The following SNAI2 variants were observed in gnomAD, a reference collection of about 807,000 sequenced individuals.
The protein encoded by SNAI2 is zinc finger protein SNAI2.
SNAI2 carries 2 observed loss-of-function variants against 22.4 expected under a neutral mutation model. The ratio of observed to expected loss-of-function variants is 0.09; its 90% CI spans 0.04 to 0.28. The LOEUF (loss-of-function observed/expected upper bound fraction) is 0.28, where lower values mean the gene tolerates loss of function less well. SNAI2 is among the 10% of genes least tolerant of loss of function. SNAI2 has a pLI of 1.00. For missense variants in SNAI2, 239 were observed against 320.8 expected, an observed-to-expected ratio of 0.75 and a Z score of 1.95; for synonymous variants, 134 against 123.0, an observed-to-expected ratio of 1.09 and a Z score of -0.59.
chr8:48,919,085 T>A, intron 2 of SNAI2, 97 bp from the exon 3 acceptor site: 1 of 1,234,914 alleles, frequency 8.1e-7, no homozygotes, highest in Non-Finnish European at 1.2e-6. Context: ...ACATTTTGCT[T>A]AAATAATGAG....
rs1806113521 is a variant in SNAI2, at chr8:48,918,621, C to T, written c.*186G>A. 27 of 612,262 alleles carry T rather than the reference C, an allele frequency of 4.4e-5. No homozygotes were observed. The South Asian group carries it at 4.9e-4, about 11-fold the overall frequency. 37.9% of individuals were successfully genotyped at this position (612,262 alleles called of 1,614,324 possible). On this transcript the variant is annotated 3_prime_UTR_variant, in exon 3 of 3. Coordinates refer to ENST00000020945, the MANE Select transcript of SNAI2 (RefSeq NM_003068.5). The stretch of plus-strand genomic sequence containing the variant: ...TCACATGGAAAGGATTATCTTTAAA[C>T]ACATGAATTCCATGCTCTTGCAGCT...
chr8:48,920,571 C>G (rs973599070), intron 1 of SNAI2, 130 bp from the exon 2 acceptor site: 22 of 834,364 alleles, frequency 2.6e-5, no homozygotes, highest in Non-Finnish European at 4.3e-5. Context: ...AAGATAGACC[C>G]ATTTAGGAGG....
At chr8:48,919,098 G>T in intron 2 of SNAI2, 110 bp from the exon 3 acceptor site, 1 of 1,042,750 alleles carries the variant, frequency 9.6e-7, no homozygotes, top group Non-Finnish European at 1.4e-6. Flanking sequence ...ATAATGAGAA[G>T]CAGCAAAACC....
rs893118347 is a variant in SNAI2, at chr8:48,918,583, G to T, written c.*224C>A. On this transcript the variant is annotated 3_prime_UTR_variant, in exon 3 of 3. Transcript: ENST00000020945. ...CAATCTAGCCATCAGCAAATATATA[G>T]TAATTTTAAACTTCACATGGAAAGG... is the stretch of plus-strand genomic sequence containing the variant. 1.9e-6 allele frequency: 1 copy of T among 540,528 alleles called. No homozygotes were observed. Among genetic ancestry groups the T allele is most frequent in the African/African-American group, 1.9e-5 (1 of 52,822 alleles). The allele number at this position is 540,528 out of a possible 1,614,324, so 33.5% of individuals were successfully genotyped here.
chr8:48,919,213 A>T (rs951125179), intron 2 of SNAI2, among the ~76,000 whole-genome samples: 2 of 152,214 alleles, frequency 1.3e-5, no homozygotes, highest in Admixed American at 6.5e-5. Context: ...TACTGCTGCC[A>T]ATCATACAGA....
rs546996646 is a variant in SNAI2, at chr8:48,918,010, T to G, written c.*797A>C. ...TTGCATTTGTGGTATGCATTTGAAA[T>G]AGTTTAAGTACATTAATGAATTTGT... On this transcript the variant is annotated 3_prime_UTR_variant, in exon 3 of 3. Coordinates refer to ENST00000020945, the MANE Select transcript of SNAI2 (RefSeq NM_003068.5). 2 of 152,324 alleles carry G rather than the reference T, an allele frequency of 1.3e-5. No individual in the cohort carries two copies. Among genetic ancestry groups the G allele is most frequent in the Non-Finnish European group, 2.9e-5 (2 of 68,018 alleles). The allele number at this position is 152,324 out of a possible 1,614,324, so 9.4% of individuals were successfully genotyped here.
In SNAI2 at chr8:48,918,776, A is replaced by T; in HGVS notation, c.*31T>A. On this transcript the variant is annotated 3_prime_UTR_variant, in exon 3 of 3. Coordinates refer to ENST00000020945, the MANE Select transcript of SNAI2 (RefSeq NM_003068.5). ...ATTTGGCTTCGGAGTGAAGAAATGC[A>T]TTCTGTTCGAGTAAACATTGATTGC... 33 of 1,613,122 alleles carry T rather than the reference A, an allele frequency of 2.0e-5. No homozygotes were observed. The highest frequency in any genetic ancestry group is 2.5e-5 in the Non-Finnish European group (30 of 1,179,072).
At position 48,920,308 on chromosome 8, in the gene SNAI2, A is replaced by G. The variant is rs1806142646; in HGVS notation, c.213T>C (p.Asn71=). 3 of 1,612,142 alleles carry G rather than the reference A, an allele frequency of 1.9e-6. No individual in the cohort carries two copies. Among genetic ancestry groups the G allele is most frequent in the Non-Finnish European group, 2.5e-6 (3 of 1,178,514 alleles). The change falls in exon 2 of 3, where the codon AAT becomes AAC. Residue 71 remains asparagine (N), a synonymous_variant. Coordinates refer to ENST00000020945, the MANE Select transcript of SNAI2 (RefSeq NM_003068.5). ...TAAPFHAQLP[N]GLSPLSGYSS... Reference sequence around the variant, plus strand: ...AGTATCCGGAAAGAGGAGAGAGGCCATTGGGTAGCTGGGCGTGGAATGGAG... The same window carrying G: ...AGTATCCGGAAAGAGGAGAGAGGCCGTTGGGTAGCTGGGCGTGGAATGGAG...
rs1175480295 is a variant in SNAI2 at position 48,920,980 on chromosome 8, G to A, written c.79+207C>T. Among the ~76,000 whole-genome samples, 4 of 152,320 alleles carry A rather than the reference G, an allele frequency of 2.6e-5. No homozygotes were observed. In the East Asian group the frequency reaches 7.7e-4, roughly 29 times the overall value. On this transcript the variant is annotated intron_variant, in intron 1 of 2. Transcript: ENST00000020945. ...CGAAGCTGCGAGATTTGAATGAAATGTTCCTTGTTAGTCAAGAATTTTAAA... is the reference window on the plus strand; with the variant it reads ...CGAAGCTGCGAGATTTGAATGAAATATTCCTTGTTAGTCAAGAATTTTAAA...
Position 48,921,305 on chromosome 8 carries a change from G to C in SNAI2, c.-40C>G, listed in dbSNP as rs1284203294. ...TGGCGGGCGCCCGGCGCGGATAACG[G>C]TCCGGCGGGAGGACACGGCGGTCCC... On this transcript the variant is annotated 5_prime_UTR_variant, in exon 1 of 3. Coordinates refer to ENST00000020945, the MANE Select transcript of SNAI2 (RefSeq NM_003068.5). The C allele has an allele frequency of 6.6e-7, 1 of 1,526,384 alleles. No individual in the cohort carries two copies. The highest frequency in any genetic ancestry group is 9.0e-7 in the Non-Finnish European group (1 of 1,106,210). The allele number at this position is 1,526,384 out of a possible 1,614,324, so 94.6% of individuals were successfully genotyped here.
At chr8:48,920,576 A>T in intron 1 of SNAI2, 135 bp from the exon 2 acceptor site, 2 of 795,890 alleles carry the variant, frequency 2.5e-6, no homozygotes, top group Non-Finnish European at 4.2e-6. Context: ...AGACCCATTT[A>T]GGAGGGCATA....
intron 1 of SNAI2, among the ~76,000 whole-genome samples, 183 bp from the exon 2 acceptor site, chr8:48,920,624 A>C (rs1483175399): frequency 6.6e-6 from 1 of 152,222 alleles, no homozygotes. Context: ...CCTGGCACCT[A>C]CGGAGTTACT....
Position 48,917,968 on chromosome 8 carries a change from G to A in SNAI2, c.*839C>T, listed in dbSNP as rs1201240739. 3 of 152,158 alleles carry A rather than the reference G, an allele frequency of 2.0e-5. No homozygotes were observed. The highest frequency in any genetic ancestry group is 7.2e-5 in the African/African-American group (3 of 41,448). 9.4% of individuals were successfully genotyped at this position (152,158 alleles called of 1,614,324 possible). A position where few individuals can be genotyped will look rare whatever the true frequency, so the allele number is the denominator to read the frequency against. On this transcript the variant is annotated 3_prime_UTR_variant, in exon 3 of 3. Coordinates refer to ENST00000020945, the MANE Select transcript of SNAI2 (RefSeq NM_003068.5). Reference sequence around the variant, plus strand: ...ACTATACAATTTAAAAAGGCACTTGGAAGGGGTATTGTATTATTGCATTTG... The same window carrying A: ...ACTATACAATTTAAAAAGGCACTTGAAAGGGGTATTGTATTATTGCATTTG...
chr8:48,920,862 G>A (rs1806152532), intron 1 of SNAI2, among the ~76,000 whole-genome samples: 1 of 152,182 alleles, frequency 6.6e-6, no homozygotes, highest in South Asian at 2.1e-4. Flanking sequence ...CTAAAGGAAA[G>A]GAGACTTAGT....
Position 48,918,716 on chromosome 8 carries a change from A to T in SNAI2, c.*91T>A. ...GTCTATACATATTATTTGGTTGGTC[A>T]GCACAGGAGAAAATGCCTTTGGACT... On this transcript the variant is annotated 3_prime_UTR_variant, in exon 3 of 3. Coordinates refer to ENST00000020945, the MANE Select transcript of SNAI2 (RefSeq NM_003068.5). 7.5e-7 allele frequency: 1 copy of T among 1,341,786 alleles called. No individual in the cohort carries two copies. Among genetic ancestry groups the T allele is most frequent in the Non-Finnish European group, 1.1e-6 (1 of 934,340 alleles). 83.1% of individuals were successfully genotyped at this position (1,341,786 alleles called of 1,614,324 possible). A position where few individuals can be genotyped will look rare whatever the true frequency, so the allele number is the denominator to read the frequency against.
chr8:48,920,333 G>C lies in SNAI2; in HGVS notation c.188C>G (p.Ala63Gly). 1 of 1,612,514 alleles carries C rather than the reference G, an allele frequency of 6.2e-7. No individual in the cohort carries two copies. The highest frequency in any genetic ancestry group is 8.5e-7 in the Non-Finnish European group (1 of 1,178,852). ...YSPITVWTTAAPFHAQLPNGL... is the reference protein window; with the variant it reads ...YSPITVWTTAGPFHAQLPNGL... ...ATTGGGTAGCTGGGCGTGGAATGGA[G>C]CAGCGGTAGTCCACACAGTGATGGG... Residue 63 changes from alanine (A) to glycine (G), a missense_variant, in exon 2 of 3, where the codon GCT becomes GGT. Coordinates refer to ENST00000020945, the MANE Select transcript of SNAI2 (RefSeq NM_003068.5).
intron 2 of SNAI2, among the ~76,000 whole-genome samples, 160 bp from the exon 3 acceptor site, chr8:48,919,148 T>G (rs1714460531): frequency 6.6e-6 from 1 of 152,232 alleles, no homozygotes; most frequent in South Asian, 2.1e-4. Flanking sequence ...TAAAAATACC[T>G]GAATTTTTAA....
chr8:48,920,266 T>A lies in SNAI2; in HGVS notation c.255A>T (p.Arg85=). ...PLSGYSSSLG[R]VSPPPPSDTS... is the part of the protein sequence containing the mutation. ...TGTCAGATGGAGGAGGGGGACTCACTCGCCCCAAAGATGAGGAGTATCCGG... is the reference window on the plus strand; with the variant it reads ...TGTCAGATGGAGGAGGGGGACTCACACGCCCCAAAGATGAGGAGTATCCGG... The change falls in exon 2 of 3, where the codon CGA becomes CGT. Residue 85 remains arginine (R), a synonymous_variant. Transcript: ENST00000020945. 1 of 1,613,924 alleles carries A rather than the reference T, an allele frequency of 6.2e-7. No individual in the cohort carries two copies.
Position 48,918,796 on chromosome 8 carries a change from G to C in SNAI2, c.*11C>G. On this transcript the variant is annotated 3_prime_UTR_variant, in exon 3 of 3. Transcript: ENST00000020945. ...AATGCATTCTGTTCGAGTAAACATT[G>C]ATTGCGTCACTCAGTGTGCTACACA... 1 of 1,613,606 alleles carries C rather than the reference G, an allele frequency of 6.2e-7. No homozygotes were observed. Among genetic ancestry groups the C allele is most frequent in the Admixed American group, 1.7e-5 (1 of 60,020 alleles).
Sources: gnomAD v4.1 joint callset for allele counts (sites outside exome capture counted in the v4.1 genomes callset) on GRCh38, gnomAD v4.1.1 for gene constraint, MANE v1.5 for transcripts, NCBI Gene and HGNC (gene_info 2026-07-23, HGNC 2026-07-21) for gene names.